ZNF721: variants seen among roughly 807,000 people sequenced by gnomAD.
The protein encoded by ZNF721 is zinc finger protein 721.
In ZNF721, 2 loss-of-function variants were observed where a neutral mutation model predicts 2.4. The ratio of observed to expected loss-of-function variants is 0.82; its 90% CI spans 0.34 to 2.58. The LOEUF (loss-of-function observed/expected upper bound fraction) is 2.58, where lower values mean the gene tolerates loss of function less well. Ranked by LOEUF, ZNF721 falls within the 30% of genes most tolerant of loss-of-function variation. The pLI is 0.11. For synonymous variants in ZNF721, 398 were observed against 381.8 expected, an observed-to-expected ratio of 1.04 and a Z score of -0.50; for missense variants, 1,187 against 1,085.5, an observed-to-expected ratio of 1.09 and a Z score of -1.31.
intron 1 of ZNF721, among the ~76,000 whole-genome samples, chr4:491,990 T>C (rs1375434949): frequency 1.4e-5 from 2 of 142,940 alleles, no homozygotes; most frequent in African/African-American, 5.1e-5. Context: ...CCATCTCTAC[T>C]AAAAAAAAAA....
At chr4:499,017 C>T (rs1482943602) in intron 1 of ZNF721, 39 bp downstream of exon 1, 2 of 396,930 alleles carry the variant, frequency 5.0e-6, no homozygotes, top group South Asian at 2.7e-5. Flanking sequence ...AGCCACTGCA[C>T]CCTGCCTTCC....
chr4:468,627 C>A (rs76569411), intron 2 of ZNF721, among the ~76,000 whole-genome samples: 4,337 of 152,212 alleles, frequency 0.028, 65 homozygotes, highest in Middle Eastern at 0.068. Context: ...TCTCTGGTAA[C>A]ACAACCCTCA....
At chr4:448,931 A>G (rs1714564515) in intron 2 of ZNF721, among the ~76,000 whole-genome samples, 1 of 151,962 alleles carries the variant, frequency 6.6e-6, no homozygotes, top group South Asian at 2.1e-4. Context: ...GCAAAAATTA[A>G]GTACAGTAAA....
intron 1 of ZNF721, 46 bp from the exon 2 acceptor site, chr4:472,747 C>G: frequency 6.2e-7 from 1 of 1,606,146 alleles, no homozygotes; most frequent in Non-Finnish European, 8.5e-7. Flanking sequence ...AATTTGACTA[C>G]AGGTGAAATG....
Position 440,227 on chromosome 4 carries a change from A to G in ZNF721, c.*1468T>C, listed in dbSNP as rs1472579249. The G allele has an allele frequency of 6.6e-6, 1 of 152,190 alleles. No individual in the cohort carries two copies. Among genetic ancestry groups the G allele is most frequent in the African/African-American group, 2.4e-5 (1 of 41,446 alleles). 9.4% of individuals were successfully genotyped at this position (152,190 alleles called of 1,614,324 possible). On this transcript the variant is annotated 3_prime_UTR_variant, in exon 3 of 3. Coordinates refer to ENST00000511833, the MANE Select transcript of ZNF721 (RefSeq NM_133474.4). ...CTCTCTGCTCAGATTTTCCTGGTGC[A>G]TCTTTTATTTCTCTTCTCTTTCATG...
At chr4:455,730 AAG>A (rs1553865349) in intron 2 of ZNF721, among the ~76,000 whole-genome samples, 1 of 152,192 alleles carries the variant, frequency 6.6e-6, no homozygotes, top group Admixed American at 6.5e-5. Flanking sequence ...GCTGAAGAAA[AAG>A]AAAAAAATGG....
At chr4:485,843 T>A (rs1444549656) in intron 1 of ZNF721, among the ~76,000 whole-genome samples, 1 of 152,094 alleles carries the variant, frequency 6.6e-6, no homozygotes, top group African/African-American at 2.4e-5. Context: ...GGCGTGCTGG[T>A]GCGTGCCTAT....
At chr4:474,149 A>G (rs1462775071) in intron 1 of ZNF721, 1 of 736,814 alleles carries the variant, frequency 1.4e-6, no homozygotes, top group Non-Finnish European at 2.0e-6. Flanking sequence ...CAACAGGCCA[A>G]GGCCGCCGAA....
chr4:458,570 G>A (rs1297720603), intron 2 of ZNF721, among the ~76,000 whole-genome samples: 1 of 152,184 alleles, frequency 6.6e-6, no homozygotes, highest in African/African-American at 2.4e-5. Context: ...ATCTAAGCCA[G>A]GCGTGGTAGC....
At chr4:468,032 C>G (rs906731034) in intron 2 of ZNF721, among the ~76,000 whole-genome samples, 1 of 152,180 alleles carries the variant, frequency 6.6e-6, no homozygotes, top group African/African-American at 2.4e-5. Context: ...GTAATCCCAG[C>G]ACTTTGGGAG....
rs1553863452 is a variant in ZNF721 at position 442,762 on chromosome 4, ACTGT to A, written c.1701_1704del (p.Arg567SerfsTer33). Reference sequence around the variant, plus strand: ...CTCCTATGTACATAAAGGTTTGCGGACTGTCTAAAGGTTTTGCCACATTCTTCAC... The same window carrying A: ...CTCCTATGTACATAAAGGTTTGCGGACTAAAGGTTTTGCCACATTCTTCAC... On this transcript the variant is annotated frameshift_variant, in exon 3 of 3. Coordinates refer to ENST00000511833, the MANE Select transcript of ZNF721 (RefSeq NM_133474.4). LOFTEE classifies it low-confidence loss of function (END_TRUNC). 6.2e-7 allele frequency: 1 copy of A among 1,614,090 alleles called. No individual in the cohort carries two copies. Among genetic ancestry groups the A allele is most frequent in the Non-Finnish European group, 8.5e-7 (1 of 1,179,992 alleles).
intron 2 of ZNF721, among the ~76,000 whole-genome samples, chr4:455,338 C>T (rs1233299554): frequency 2.0e-5 from 3 of 152,148 alleles, no homozygotes; most frequent in Admixed American, 6.6e-5. Context: ...GAGGCCGAGG[C>T]GGGCGGATCA....
chr4:465,075 A>C (rs1179370984), intron 2 of ZNF721, among the ~76,000 whole-genome samples: 1 of 143,832 alleles, frequency 7.0e-6, no homozygotes, highest in East Asian at 2.1e-4. Context: ...ATAGAGCAAG[A>C]TTCCATTAAA....
intron 1 of ZNF721, among the ~76,000 whole-genome samples, chr4:498,726 C>CTTTTTTTTTTTTTTTT (rs1180549953): frequency 1.5e-5 from 2 of 132,552 alleles, no homozygotes; most frequent in Non-Finnish European, 3.2e-5. Flanking sequence ...GTTGAATTTT[C>CTTTTTTTTTTTTTTTT]TTTTTTTTTT....
chr4:496,166 G>T (rs1023561648), intron 1 of ZNF721, among the ~76,000 whole-genome samples: 1 of 152,118 alleles, frequency 6.6e-6, no homozygotes, highest in Non-Finnish European at 1.5e-5. Flanking sequence ...GGGGTAGACG[G>T]TTGGGTATTT....
chr4:493,980 A>G (rs1716086962), intron 1 of ZNF721, among the ~76,000 whole-genome samples: 1 of 152,208 alleles, frequency 6.6e-6, no homozygotes, highest in African/African-American at 2.4e-5. Context: ...AAGCTAGCTT[A>G]TTTATTGAAG....
chr4:446,845 C>A (rs1714492223), intron 2 of ZNF721, among the ~76,000 whole-genome samples: 1 of 151,914 alleles, frequency 6.6e-6, no homozygotes, highest in Non-Finnish European at 1.5e-5. Flanking sequence ...GGCGCACCAC[C>A]ACGCCCAGCA....
In ZNF721 at chr4:468,829, G is replaced by A. The variant is rs550147781; in HGVS notation, c.34+3746C>T. On this transcript the variant is annotated intron_variant, in intron 2 of 2. Transcript: ENST00000511833. ...ATATACAGACACAGGGCTGCTTCAG[G>A]GACCACAGCTGAAGCCAAGATCTGC... 2.6e-5 allele frequency among the ~76,000 whole-genome samples: 4 copies of A among 152,218 alleles called. No individual in the cohort carries two copies. In the South Asian group the frequency reaches 6.2e-4, roughly 24 times the overall value.
intron 2 of ZNF721, 66 bp downstream of exon 2, chr4:472,508 AT>A: frequency 2.0e-6 from 3 of 1,531,876 alleles, no homozygotes; most frequent in Non-Finnish European, 1.8e-6. Context: ...CTCAAAAGAC[AT>A]TCTACAAAAA....
Sources: allele counts gnomAD v4.1 joint callset (sites outside exome capture counted in the v4.1 genomes callset), GRCh38; gene constraint gnomAD v4.1.1; transcripts MANE v1.5; gene names NCBI Gene and HGNC (gene_info 2026-07-23, HGNC 2026-07-21).